Variants in FAM227B observed in about 807,000 individuals in gnomAD.
FAM227B encodes family with sequence similarity 227 member B.
A neutral mutation model predicts 73.8 loss-of-function variants in FAM227B; 88 were observed. That is an observed-to-expected ratio of 1.19 (90% CI 1.00 to 1.42). The LOEUF is 1.42. Ranked by LOEUF, FAM227B falls within the 40% of genes most tolerant of loss-of-function variation. FAM227B has a pLI of 0.00. For missense variants in FAM227B, 632 were observed against 590.9 expected (o/e 1.07, Z -0.72); for synonymous variants, 210 against 190.5 (o/e 1.10, Z -0.84).
chr15:49,512,179 A>G (rs1283136662), intron 10 of FAM227B, among the ~76,000 whole-genome samples: 1 of 152,046 alleles, frequency 6.6e-6, no homozygotes. Flanking sequence ...TTTTGATCAT[A>G]GTTTCTAATG....
At chr15:49,603,098 T>C (rs1242222148) in intron 3 of FAM227B, among the ~76,000 whole-genome samples, 2 of 152,216 alleles carry the variant, frequency 1.3e-5, no homozygotes, top group Non-Finnish European at 2.9e-5. Context: ...GTTTTACTCT[T>C]TTGCTTAGAA....
At chr15:49,450,579 C>T (rs766544221) in intron 11 of FAM227B, among the ~76,000 whole-genome samples, 3 of 152,060 alleles carry the variant, frequency 2.0e-5, no homozygotes, top group African/African-American at 7.2e-5. Context: ...AAATATGATG[C>T]TTAATGTAGA....
chr15:49,393,168 A>T (rs894056089), intron 11 of FAM227B, among the ~76,000 whole-genome samples: 7 of 152,206 alleles, frequency 4.6e-5, no homozygotes, highest in Admixed American at 1.3e-4. Context: ...CAGTGTATGT[A>T]CACTTTATTT....
intron 15 of FAM227B, chr15:49,331,291 G>C (rs1250233146): frequency 6.5e-6 from 1 of 154,642 alleles, no homozygotes; most frequent in African/African-American, 2.4e-5. Context: ...CATAAGTAAA[G>C]AGAAGCAAAA....
At chr15:49,416,609 G>A (rs1454536591) in intron 11 of FAM227B, among the ~76,000 whole-genome samples, 3 of 151,970 alleles carry the variant, frequency 2.0e-5, no homozygotes, top group Admixed American at 1.3e-4. Flanking sequence ...GTAGAAAATC[G>A]CATAGTCTCT....
intron 5 of FAM227B, among the ~76,000 whole-genome samples, chr15:49,577,944 C>T (rs2075567820): frequency 6.6e-6 from 1 of 152,122 alleles, no homozygotes; most frequent in South Asian, 2.1e-4. Context: ...CAGTTTGGTT[C>T]CCTGGGAAAT....
chr15:49,567,189 CAATTT>C (rs2074726737), intron 9 of FAM227B, among the ~76,000 whole-genome samples: 1 of 152,112 alleles, frequency 6.6e-6, no homozygotes, highest in African/African-American at 2.4e-5. Context: ...GATCTTTAGA[CAATTT>C]AATTGCAACA....
chr15:49,338,251 T>A (rs1320447953), intron 13 of FAM227B, among the ~76,000 whole-genome samples: 1 of 152,234 alleles, frequency 6.6e-6, no homozygotes, highest in African/African-American at 2.4e-5. Context: ...TTGGTATGTT[T>A]TTGCAGTGCC....
At chr15:49,489,820 TTTTATATATATATATATATTTTA>T (rs2056779672) in intron 11 of FAM227B, among the ~76,000 whole-genome samples, 1 of 34,040 alleles carries the variant, frequency 2.9e-5, no homozygotes, top group Non-Finnish European at 5.8e-5. Flanking sequence ...TATATATATA[TTTTATATATATATATATATTTTA>T]TATATATATA....
At chr15:49,452,734 G>A (rs527477271) in intron 11 of FAM227B, among the ~76,000 whole-genome samples, 2 of 152,222 alleles carry the variant, frequency 1.3e-5, no homozygotes, top group South Asian at 4.2e-4. Flanking sequence ...TTGGGTGACT[G>A]AGATAGTATC....
chr15:49,336,704 AT>A (rs1426016331), intron 13 of FAM227B, among the ~76,000 whole-genome samples: 1 of 152,260 alleles, frequency 6.6e-6, no homozygotes, highest in Non-Finnish European at 1.5e-5. Flanking sequence ...TTTCTAAAAA[AT>A]AATTTCAACT....
chr15:49,601,333 A>G (rs1265020965), intron 3 of FAM227B, among the ~76,000 whole-genome samples: 1 of 151,918 alleles, frequency 6.6e-6, no homozygotes, highest in Non-Finnish European at 1.5e-5. Context: ...TACATAAAAC[A>G]TCTTACAGTT....
chr15:49,407,906 C>A (rs2048628469), intron 11 of FAM227B, among the ~76,000 whole-genome samples: 1 of 151,908 alleles, frequency 6.6e-6, no homozygotes, highest in South Asian at 2.1e-4. Flanking sequence ...TAGTTTTTGC[C>A]TTTCTAGAAC....
At chr15:49,469,949 A>T (rs1394149046) in intron 11 of FAM227B, among the ~76,000 whole-genome samples, 1 of 152,198 alleles carries the variant, frequency 6.6e-6, no homozygotes, top group Non-Finnish European at 1.5e-5. Flanking sequence ...TCACCTTCAC[A>T]GTACAATTAA....
chr15:49,467,962 T>A (rs1235249093), intron 11 of FAM227B, among the ~76,000 whole-genome samples: 1 of 152,194 alleles, frequency 6.6e-6, no homozygotes, highest in Non-Finnish European at 1.5e-5. Context: ...AATATCACAC[T>A]GTATATTGCA....
intron 11 of FAM227B, chr15:49,424,468 T>C (rs1010311644): frequency 6.2e-7 from 1 of 1,613,468 alleles, no homozygotes; most frequent in Non-Finnish European, 8.5e-7. Context: ...GAAGTTATGA[T>C]TACATGGAAG....
At chr15:49,376,838 C>T (rs1405999937) in intron 11 of FAM227B, among the ~76,000 whole-genome samples, 1 of 151,960 alleles carries the variant, frequency 6.6e-6, no homozygotes, top group East Asian at 1.9e-4. Context: ...TTTTGCTAAT[C>T]TATTCCTAAG....
intron 13 of FAM227B, among the ~76,000 whole-genome samples, chr15:49,350,995 A>G (rs894073003): frequency 6.6e-6 from 1 of 152,204 alleles, no homozygotes; most frequent in African/African-American, 2.4e-5. Context: ...TATATGCTAC[A>G]CAGTTCTTAG....
intron 3 of FAM227B, among the ~76,000 whole-genome samples, chr15:49,597,966 T>C (rs950125416): frequency 4.6e-5 from 7 of 151,816 alleles, no homozygotes; most frequent in African/African-American, 1.4e-4. Context: ...AGCAGTAATA[T>C]TGAAATGGTA....
Sources: gnomAD v4.1 joint callset for allele counts (sites outside exome capture counted in the v4.1 genomes callset) on GRCh38, gnomAD v4.1.1 for gene constraint, MANE v1.5 for transcripts, NCBI Gene and HGNC (gene_info 2026-07-23, HGNC 2026-07-21) for gene names.